The following NTM variants were observed in gnomAD, a reference collection of about 807,000 sequenced individuals.
The protein encoded by NTM is neurotrimin.
A neutral mutation model predicts 42.1 loss-of-function variants in NTM; 13 were observed. The observed-to-expected ratio is 0.31, with a 90% CI of 0.20 to 0.49. NTM has a LOEUF of 0.49. Ranked by LOEUF, NTM falls within the 20% of genes least tolerant of loss-of-function variation. The pLI, the probability that NTM is intolerant of heterozygous loss-of-function variation, is 0.99. For synonymous variants in NTM, 187 were observed against 179.2 expected, an observed-to-expected ratio of 1.04 and a Z score of -0.35; for missense variants, 373 against 452.8, an observed-to-expected ratio of 0.82 and a Z score of 1.60.
At chr11:132,163,873 G>A (rs558046124) in intron 3 of NTM, among the ~76,000 whole-genome samples, 1 of 152,172 alleles carries the variant, frequency 6.6e-6, no homozygotes, top group Non-Finnish European at 1.5e-5. Flanking sequence ...TTTACTGGGG[G>A]TAAGCCCATG....
intron 1 of NTM, among the ~76,000 whole-genome samples, chr11:131,899,078 G>A (rs571969441): frequency 1.6e-4 from 25 of 152,282 alleles, no homozygotes; most frequent in African/African-American, 5.1e-4. Flanking sequence ...GACGTATGTC[G>A]TAATCCAGCT....
At chr11:132,191,342 A>T (rs1014970494) in intron 3 of NTM, among the ~76,000 whole-genome samples, 2 of 152,174 alleles carry the variant, frequency 1.3e-5, no homozygotes, top group Admixed American at 6.5e-5. Flanking sequence ...CTCAACCTCA[A>T]GGAGACAGAG....
At chr11:132,162,509 G>T (rs1473124494) in intron 3 of NTM, among the ~76,000 whole-genome samples, 1 of 148,160 alleles carries the variant, frequency 6.7e-6, no homozygotes. Context: ...GGATGTGTGA[G>T]TGTGTGTGTT....
rs1263929354 is a variant in NTM, at chr11:131,789,498, A to G, written c.83-122066A>G. ...AAGAAGAAGAAGAAGAAGAGGAAAG[A>G]AGAAGAAGAAGAAGAAGAAGAAGAA... On this transcript the variant is annotated intron_variant, in intron 1 of 8. Transcript: ENST00000683400. Among the ~76,000 whole-genome samples the G allele has an allele frequency of 7.2e-4, 4 of 5,546 alleles. 1 individual carries two copies. Among genetic ancestry groups the G allele is most frequent in the Non-Finnish European group, 1.4e-3 (4 of 2,938 alleles). The allele number at this position is 5,546 out of a possible 152,430, so 3.6% of individuals were successfully genotyped here. A position where few individuals can be genotyped will look rare whatever the true frequency, so the allele number is the denominator to read the frequency against.
At chr11:131,923,710 G>A (rs1053785595) in intron 2 of NTM, among the ~76,000 whole-genome samples, 1 of 152,234 alleles carries the variant, frequency 6.6e-6, no homozygotes. Context: ...GTGGCAGCTA[G>A]AAATCAGGCT....
At chr11:131,755,207 G>T (rs1439764996) in intron 1 of NTM, among the ~76,000 whole-genome samples, 1 of 152,118 alleles carries the variant, frequency 6.6e-6, no homozygotes, top group African/African-American at 2.4e-5. Flanking sequence ...ATAAAAATTG[G>T]TTTAAAAACC....
At chr11:132,330,659 C>T (rs528577324) in intron 8 of NTM, among the ~76,000 whole-genome samples, 8 of 152,230 alleles carry the variant, frequency 5.3e-5, no homozygotes, top group Admixed American at 3.3e-4. Flanking sequence ...CACTTGGCTA[C>T]GAATAAAATG....
rs547844987 is a variant in NTM, at chr11:132,151,459, AC to A, written c.400+4946del. Among the ~76,000 whole-genome samples, 137 of 152,334 alleles carry A rather than the reference AC, an allele frequency of 9.0e-4. 1 individual carries two copies. The highest frequency in any genetic ancestry group is 2.5e-3 in the South Asian group (12 of 4,824). On this transcript the variant is annotated intron_variant, in intron 3 of 8. Transcript: ENST00000683400. ...GGTGTACCTGCAGGAATTCACTCTC[AC>A]TTAGAGACACATTTGTATGACAGAG...
Position 131,613,474 on chromosome 11 carries a change from C to A in NTM, c.82+242586C>A, listed in dbSNP as rs112984336. 8.6e-3 allele frequency among the ~76,000 whole-genome samples: 1,303 copies of A among 152,288 alleles called. 8 individuals carry two copies. Among genetic ancestry groups the A allele is most frequent in the Middle Eastern group, 0.017 (5 of 294 alleles). On this transcript the variant is annotated intron_variant, in intron 1 of 8. Transcript: ENST00000683400. ...GGTGGCTCCTGGGGACAAGCTGTCC[C>A]CTCCTTTCTGATATTGATTCCCAAA...
At chr11:131,965,149 G>A (rs2062673971) in intron 2 of NTM, among the ~76,000 whole-genome samples, 1 of 152,154 alleles carries the variant, frequency 6.6e-6, no homozygotes, top group South Asian at 2.1e-4. Context: ...TGAAGTGCAT[G>A]ACAAAGCAAT....
intron 2 of NTM, among the ~76,000 whole-genome samples, chr11:132,107,342 T>A (rs11222928): frequency 3.1e-5 from 3 of 96,568 alleles, no homozygotes; most frequent in African/African-American, 4.4e-5. Context: ...ATTTATCCTT[T>A]TTTTTTTTTT....
chr11:132,220,958 G>C (rs2085029762), intron 4 of NTM, among the ~76,000 whole-genome samples: 1 of 152,164 alleles, frequency 6.6e-6, no homozygotes, highest in Non-Finnish European at 1.5e-5. Context: ...AAGGTCCTTA[G>C]TGGGATGTCC....
chr11:131,687,708 C>T (rs2074081409), intron 1 of NTM, among the ~76,000 whole-genome samples: 1 of 152,208 alleles, frequency 6.6e-6, no homozygotes, highest in Non-Finnish European at 1.5e-5. Flanking sequence ...CCTCAAAGAA[C>T]AAAACCATTC....
chr11:131,962,135 C>T (rs1040381094), intron 2 of NTM, among the ~76,000 whole-genome samples: 1 of 152,092 alleles, frequency 6.6e-6, no homozygotes, highest in African/African-American at 2.4e-5. Context: ...AGCATACTTT[C>T]CTGGGTGCAT....
At chr11:131,823,558 A>T (rs2093277867) in intron 1 of NTM, among the ~76,000 whole-genome samples, 1 of 152,202 alleles carries the variant, frequency 6.6e-6, no homozygotes, top group Non-Finnish European at 1.5e-5. Context: ...TGTTAACTAC[A>T]AATAATTCTT....
At chr11:131,817,749 T>A (rs1036625728) in intron 1 of NTM, among the ~76,000 whole-genome samples, 2 of 152,212 alleles carry the variant, frequency 1.3e-5, no homozygotes, top group Non-Finnish European at 2.9e-5. Context: ...GCTGACACAT[T>A]GTCCAGCACC....
intron 1 of NTM, among the ~76,000 whole-genome samples, chr11:131,411,009 T>C (rs1019043315): frequency 6.6e-6 from 1 of 152,210 alleles, no homozygotes; most frequent in African/African-American, 2.4e-5. Context: ...CACCCTCATT[T>C]GCTGCCAGAC....
intron 1 of NTM, among the ~76,000 whole-genome samples, chr11:131,411,955 A>G (rs1946471683): frequency 6.6e-6 from 1 of 152,160 alleles, no homozygotes. Context: ...GTTAGATGAG[A>G]AAACATAGCT....
At chr11:132,132,200 G>T (rs2066950092) in intron 2 of NTM, among the ~76,000 whole-genome samples, 1 of 151,886 alleles carries the variant, frequency 6.6e-6, no homozygotes, top group Non-Finnish European at 1.5e-5. Flanking sequence ...GATCCTGCCT[G>T]CTCCTTCCAC....
Sources: gnomAD v4.1 joint callset for allele counts (sites outside exome capture counted in the v4.1 genomes callset) on GRCh38, gnomAD v4.1.1 for gene constraint, MANE v1.5 for transcripts, NCBI Gene and HGNC (gene_info 2026-07-23, HGNC 2026-07-21) for gene names.